KLHL1: variants seen among roughly 807,000 people sequenced by gnomAD.
KLHL1 encodes the protein kelch like family member 1, also known as kelch-like protein 1.
KLHL1 carries 47 observed loss-of-function variants against 77.7 expected under a neutral mutation model. The observed-to-expected ratio is 0.60, with a 90% CI of 0.48 to 0.77. KLHL1 has a LOEUF of 0.77. Among genes scored for constraint, KLHL1 ranks in the 30% least tolerant of loss-of-function variants. The pLI is 0.00. For missense variants in KLHL1, 925 were observed against 910.8 expected (o/e 1.02, Z -0.20); for synonymous variants, 360 against 325.2 (o/e 1.11, Z -1.15).
intron 4 of KLHL1, among the ~76,000 whole-genome samples, chr13:69,917,757 T>C (rs935530924): frequency 6.6e-6 from 1 of 152,140 alleles, no homozygotes; most frequent in Non-Finnish European, 1.5e-5. Context: ...TGGTTTGTTT[T>C]TTGAATTTTG....
intron 4 of KLHL1, among the ~76,000 whole-genome samples, chr13:69,902,500 A>G (rs147542460): frequency 6.6e-6 from 1 of 152,312 alleles, no homozygotes; most frequent in African/African-American, 2.4e-5. Context: ...ATAATTTTGG[A>G]GAACTACAGT....
At chr13:69,775,670 G>GTAT (rs1246956636) in intron 7 of KLHL1, among the ~76,000 whole-genome samples, 5 of 151,784 alleles carry the variant, frequency 3.3e-5, no homozygotes, top group Non-Finnish European at 5.9e-5. Flanking sequence ...TATGTGAACT[G>GTAT]TATTTTTCCT....
intron 1 of KLHL1, among the ~76,000 whole-genome samples, chr13:70,027,123 A>G (rs1391381715): frequency 1.3e-5 from 2 of 152,132 alleles, no homozygotes; most frequent in African/African-American, 4.8e-5. Flanking sequence ...GAGAATGAGA[A>G]TAGAATGATT....
chr13:69,824,827 G>C (rs1025594708), intron 6 of KLHL1, among the ~76,000 whole-genome samples: 1 of 151,872 alleles, frequency 6.6e-6, no homozygotes, highest in Admixed American at 6.6e-5. Flanking sequence ...TTAGTGTTTG[G>C]GTTACATACC....
intron 1 of KLHL1, among the ~76,000 whole-genome samples, chr13:70,056,303 T>C (rs1393284168): frequency 1.3e-5 from 2 of 152,066 alleles, no homozygotes; most frequent in Non-Finnish European, 2.9e-5. Flanking sequence ...ATTGTAAATA[T>C]ATATGCACTG....
chr13:69,994,803 A>G (rs546097058), intron 1 of KLHL1, among the ~76,000 whole-genome samples: 9 of 152,216 alleles, frequency 5.9e-5, no homozygotes, highest in African/African-American at 2.2e-4. Flanking sequence ...GGAATACTGT[A>G]GAGGAAAAAT....
chr13:69,922,965 T>C (rs1291665622), intron 4 of KLHL1, among the ~76,000 whole-genome samples: 1 of 152,168 alleles, frequency 6.6e-6, no homozygotes, highest in African/African-American at 2.4e-5. Flanking sequence ...AAAGATGAAA[T>C]ATTTGAAAGC....
chr13:69,837,670 G>GTGTATATA (rs543681165), intron 6 of KLHL1, among the ~76,000 whole-genome samples: 1 of 123,974 alleles, frequency 8.1e-6, no homozygotes, highest in African/African-American at 3.6e-5. Context: ...GTGTGTGTGT[G>GTGTATATA]TATATATATA....
intron 4 of KLHL1, among the ~76,000 whole-genome samples, chr13:69,920,363 T>C (rs1264986886): frequency 6.6e-6 from 1 of 152,124 alleles, no homozygotes; most frequent in Non-Finnish European, 1.5e-5. Flanking sequence ...ATTAATCCAT[T>C]TGTGGTTCAC....
intron 2 of KLHL1, among the ~76,000 whole-genome samples, chr13:69,974,925 CTGACAG>C (rs1174359784): frequency 6.6e-6 from 1 of 151,954 alleles, no homozygotes; most frequent in African/African-American, 2.4e-5. Flanking sequence ...CAATAGTTAG[CTGACAG>C]ATTGAACTCT....
At chr13:69,947,159 C>T (rs771595754) in intron 3 of KLHL1, among the ~76,000 whole-genome samples, 6 of 151,324 alleles carry the variant, frequency 4.0e-5, no homozygotes, top group Non-Finnish European at 8.8e-5. Flanking sequence ...CTGTTGATAT[C>T]TCTATTATAC....
intron 5 of KLHL1, among the ~76,000 whole-genome samples, chr13:69,878,622 ATATG>A (rs1410364930): frequency 1.3e-5 from 2 of 152,068 alleles, no homozygotes; most frequent in Admixed American, 6.6e-5. Context: ...ATGTTACACT[ATATG>A]TAACATTACG....
At chr13:69,911,168 A>G (rs1261166140) in intron 4 of KLHL1, among the ~76,000 whole-genome samples, 1 of 151,770 alleles carries the variant, frequency 6.6e-6, no homozygotes, top group Non-Finnish European at 1.5e-5. Context: ...TTCATTTTCC[A>G]TTCCAAAATT....
chr13:69,976,134 T>G (rs1884538872), intron 1 of KLHL1, among the ~76,000 whole-genome samples: 1 of 152,060 alleles, frequency 6.6e-6, no homozygotes, highest in South Asian at 2.1e-4. Flanking sequence ...TAAAATTAAT[T>G]AGCAATGAAA....
intron 5 of KLHL1, among the ~76,000 whole-genome samples, chr13:69,862,420 A>T (rs78633170): frequency 6.6e-6 from 1 of 152,212 alleles, no homozygotes; most frequent in East Asian, 1.9e-4. Flanking sequence ...TAAAACATAT[A>T]CTTTAATTCC....
intron 6 of KLHL1, among the ~76,000 whole-genome samples, chr13:69,832,190 C>T (rs1420068292): frequency 6.7e-6 from 1 of 149,558 alleles, no homozygotes; most frequent in East Asian, 1.9e-4. Context: ...GATTGTATAC[C>T]TAGAATACTC....
At position 69,701,538 on chromosome 13, in the gene KLHL1, C is replaced by G; in HGVS notation, c.*164G>C. ...TATAAGTTTAATGTTTTCTTGTTTC[C>G]TACTATTCTGTTTGATCTACTAACT... is the stretch of plus-strand genomic sequence containing the variant. On this transcript the variant is annotated 3_prime_UTR_variant, in exon 11 of 11. Transcript: ENST00000377844. The G allele has an allele frequency of 1.7e-6, 1 of 577,206 alleles. No homozygotes were observed. The highest frequency in any genetic ancestry group is 3.2e-5 in the East Asian group (1 of 31,564). 35.8% of individuals were successfully genotyped at this position (577,206 alleles called of 1,614,324 possible). A position where few individuals can be genotyped will look rare whatever the true frequency, so the allele number is the denominator to read the frequency against.
intron 7 of KLHL1, among the ~76,000 whole-genome samples, chr13:69,772,807 T>C (rs925294318): frequency 1.3e-5 from 2 of 152,164 alleles, no homozygotes; most frequent in African/African-American, 4.8e-5. Context: ...ATCAACCAGC[T>C]TCCAGTAACA....
chr13:69,755,733 C>A (rs1438131340), intron 7 of KLHL1, among the ~76,000 whole-genome samples: 1 of 152,062 alleles, frequency 6.6e-6, no homozygotes, highest in Non-Finnish European at 1.5e-5. Context: ...TTGCCTCAGT[C>A]AGATGTACAG....
Sources: gnomAD v4.1 joint callset for allele counts (sites outside exome capture counted in the v4.1 genomes callset) on GRCh38, gnomAD v4.1.1 for gene constraint, MANE v1.5 for transcripts, NCBI Gene and HGNC (gene_info 2026-07-23, HGNC 2026-07-21) for gene names.